The following KCNAB2 variants were observed in gnomAD, a reference collection of about 807,000 sequenced individuals.
KCNAB2 encodes the protein voltage-gated potassium channel subunit beta-2.
Under a neutral mutation model 63.6 loss-of-function variants are expected in KCNAB2, and 29 were observed. The ratio of observed to expected loss-of-function variants is 0.46; its 90% CI spans 0.34 to 0.62. The LOEUF (loss-of-function observed/expected upper bound fraction) is 0.62. Ranked by LOEUF, KCNAB2 falls within the 20% of genes least tolerant of loss-of-function variation. KCNAB2 has a pLI of 0.01. For synonymous variants in KCNAB2, 222 were observed against 224.2 expected (o/e 0.99, Z 0.09); for missense variants, 359 against 563.9 (o/e 0.64, Z 3.68).
At chr1:6,043,725 C>T (rs555109154), upstream of KCNAB2, among the ~76,000 whole-genome samples, 1 of 152,362 alleles carries the variant, frequency 6.6e-6, no homozygotes, top group East Asian at 1.9e-4. Context: ...TTAGGCCTGG[C>T]CCTCTCACAG....
At chr1:6,095,667 C>A in intron 13 of KCNAB2, 43 bp downstream of exon 13, 1 of 1,578,888 alleles carries the variant, frequency 6.3e-7, no homozygotes, top group Non-Finnish European at 8.7e-7. Flanking sequence ...AGGGGATAGG[C>A]ATTTTGGACG....
rs1185772343 is a variant in KCNAB2, at chr1:6,100,095, G to C, written c.*1521G>C. 4.1e-6 allele frequency: 6 copies of C among 1,449,066 alleles called. No homozygotes were observed. In the South Asian group the frequency reaches 7.4e-5, roughly 18 times the overall value. 89.8% of individuals were successfully genotyped at this position (1,449,066 alleles called of 1,614,324 possible). On this transcript the variant is annotated 3_prime_UTR_variant, in exon 16 of 16. Transcript: ENST00000378083. ...GCACCTCTGTTCCCGCTTTGCCCCTGGAGGAGCCACTATTCCAGAAGGCTC... is the reference window on the plus strand; with the variant it reads ...GCACCTCTGTTCCCGCTTTGCCCCTCGAGGAGCCACTATTCCAGAAGGCTC...
At chr1:6,029,281 CAAAA>C (rs756374657), upstream of KCNAB2, among the ~76,000 whole-genome samples, 3 of 62,708 alleles carry the variant, frequency 4.8e-5, no homozygotes, top group Non-Finnish European at 6.5e-5. Flanking sequence ...GACTCCATCT[CAAAA>C]AAAAAAAAAA....
rs953585731 is a variant in KCNAB2, at chr1:6,071,912, C to T, written c.219-843C>T. Among the ~76,000 whole-genome samples, 2 of 152,072 alleles carry T rather than the reference C, an allele frequency of 1.3e-5. No homozygotes were observed. The highest frequency in any genetic ancestry group is 4.8e-5 in the African/African-American group (2 of 41,374). Reference sequence around the variant, plus strand: ...AGGGCTCCTCCTGCCGCGTAGGGCTCCCGGGAGGATCCGGGGACAGGATGC... The same window carrying T: ...AGGGCTCCTCCTGCCGCGTAGGGCTTCCGGGAGGATCCGGGGACAGGATGC... On this transcript the variant is annotated intron_variant, in intron 2 of 15. Coordinates refer to ENST00000378083, the MANE Select transcript of KCNAB2 (RefSeq NM_001199862.2). This position sits in a 1 kb window ranked among gnomAD's most constrained non-coding sequence, Gnocchi z 8.5.
intron 1 of KCNAB2, 148 bp from the exon 2 acceptor site, chr1:6,051,363 G>T (rs1201244670): frequency 6.7e-6 from 6 of 896,442 alleles, no homozygotes; most frequent in Non-Finnish European, 9.5e-6. Context: ...ACATCCAGGG[G>T]CCGGGTCCCA....
chr1:6,014,061 A>G (rs1025130302), intron 1 of KCNAB2, among the ~76,000 whole-genome samples: 1 of 152,212 alleles, frequency 6.6e-6, no homozygotes, highest in Non-Finnish European at 1.5e-5. Flanking sequence ...CTAACCTCAT[A>G]GGATTATGGG....
chr1:5,996,476 A>C (rs1292277158), intron 1 of KCNAB2, among the ~76,000 whole-genome samples: 1 of 152,034 alleles, frequency 6.6e-6, no homozygotes, highest in Non-Finnish European at 1.5e-5. Context: ...TCAGGAGGCT[A>C]CTCCCTGCTC....
At chr1:6,040,558 A>G (rs1660414776) in exon 2 of KCNAB2, 1 of 1,613,534 alleles carries the variant, frequency 6.2e-7, no homozygotes, top group Non-Finnish European at 8.5e-7. Flanking sequence ...TGGATAAGTG[A>G]GGCTGGCTCC....
chr1:6,085,773 A>T, intron 6 of KCNAB2: 1 of 935,930 alleles, frequency 1.1e-6, no homozygotes, highest in African/African-American at 1.8e-5. Context: ...TCCGGAGCTC[A>T]CTGTTCCCAT....
chr1:6,083,522 C>A (rs1004399507), intron 5 of KCNAB2, among the ~76,000 whole-genome samples: 1 of 152,218 alleles, frequency 6.6e-6, no homozygotes, highest in Non-Finnish European at 1.5e-5. Flanking sequence ...TCTCGGAAGC[C>A]GCTTGCCAGA....
At chr1:6,046,285 GT>G (rs1660917274) in intron 1 of KCNAB2, 102 bp downstream of exon 1, 1 of 832,896 alleles carries the variant, frequency 1.2e-6, no homozygotes, top group Non-Finnish European at 1.4e-6. Context: ...TTTTGGGGTG[GT>G]TTTGTCTGAT....
intron 7 of KCNAB2, among the ~76,000 whole-genome samples, chr1:6,088,703 A>T (rs1040501290): frequency 2.1e-5 from 3 of 142,512 alleles, no homozygotes; most frequent in East Asian, 2.3e-4. Context: ...TTAATTTAAA[A>T]AATAATAATA....
In KCNAB2 at chr1:6,066,857, G is replaced by A. The variant is rs116267621; in HGVS notation, c.219-5898G>A. Among the ~76,000 whole-genome samples, 1,329 of 152,354 alleles carry A rather than the reference G, an allele frequency of 8.7e-3. 22 individuals are homozygous for A. Among genetic ancestry groups the A allele is most frequent in the African/African-American group, 0.03 (1,230 of 41,576 alleles). On this transcript the variant is annotated intron_variant, in intron 2 of 15. Coordinates refer to ENST00000378083, the MANE Select transcript of KCNAB2 (RefSeq NM_001199862.2). ...TCCAGCAGGCACAGGCAGCCAGGCC[G>A]CATCTGGAGTTTCCCGATGGTCAGC... is the stretch of plus-strand genomic sequence containing the variant.
intron 2 of KCNAB2, among the ~76,000 whole-genome samples, chr1:6,059,956 G>A (rs1463478242): frequency 1.3e-5 from 2 of 152,204 alleles, no homozygotes; most frequent in Admixed American, 6.5e-5. Context: ...AATGGGCCCC[G>A]CCAGTGGGAT....
chr1:6,064,551 A>G (rs1415534578), intron 2 of KCNAB2, among the ~76,000 whole-genome samples: 1 of 152,178 alleles, frequency 6.6e-6, no homozygotes, highest in Non-Finnish European at 1.5e-5. Context: ...AGTAGGGAGA[A>G]GGGTAGGGGG....
intron 4 of KCNAB2, 129 bp from the exon 5 acceptor site, chr1:6,082,066 G>A: frequency 1.4e-6 from 1 of 724,660 alleles, no homozygotes; most frequent in Non-Finnish European, 2.5e-6. Flanking sequence ...ACAGCCCACA[G>A]GGGAGCCTGT....
chr1:5,993,209 C>G (rs974034097), intron 1 of KCNAB2, among the ~76,000 whole-genome samples: 7 of 151,886 alleles, frequency 4.6e-5, no homozygotes, highest in Non-Finnish European at 1.0e-4. Context: ...CTGCTGTTCC[C>G]GGTCCTCCCC....
chr1:6,071,033 G>A lies in KCNAB2; in HGVS notation c.219-1722G>A, dbSNP rs1028670948. 2.0e-5 allele frequency among the ~76,000 whole-genome samples: 3 copies of A among 152,134 alleles called. No homozygotes were observed. Among genetic ancestry groups the A allele is most frequent in the Non-Finnish European group, 2.9e-5 (2 of 68,032 alleles). On this transcript the variant is annotated intron_variant, in intron 2 of 15. Coordinates refer to ENST00000378083, the MANE Select transcript of KCNAB2 (RefSeq NM_001199862.2). This position sits in a 1 kb window ranked among gnomAD's most constrained non-coding sequence, Gnocchi z 8.5. ...TAAAGTACCTTCAGTTTGGTGACACGTTCAACTGTTTTCAAGCTGCTTACA... is the reference window on the plus strand; with the variant it reads ...TAAAGTACCTTCAGTTTGGTGACACATTCAACTGTTTTCAAGCTGCTTACA...
intron 1 of KCNAB2, among the ~76,000 whole-genome samples, chr1:5,993,927 G>A (rs182535505): frequency 6.6e-6 from 1 of 152,194 alleles, no homozygotes; most frequent in African/African-American, 2.4e-5. Flanking sequence ...CTGGTTGGGA[G>A]GGGGCTGAGG....
Sources: gnomAD v4.1 joint callset for allele counts (sites outside exome capture counted in the v4.1 genomes callset) on GRCh38, gnomAD v4.1.1 for gene constraint, Gnocchi (gnomAD v3.1) non-coding constraint, MANE v1.5 for transcripts, NCBI Gene and HGNC (gene_info 2026-07-23, HGNC 2026-07-21) for gene names.